Variants in TAFA5 observed in about 807,000 individuals in gnomAD.
TAFA5 encodes TAFA chemokine like family member 5.
In TAFA5, 6 loss-of-function variants were observed where a neutral mutation model predicts 15.3. That is an observed-to-expected ratio of 0.39 (90% CI 0.21 to 0.77). The LOEUF is 0.77. TAFA5 is among the 30% of genes least tolerant of loss of function. The probability of loss-of-function intolerance (pLI) is 0.41; values close to 1 mark genes in which losing one functional copy is unlikely to be tolerated. For missense variants in TAFA5, 161 were observed against 193.1 expected, an observed-to-expected ratio of 0.83 and a Z score of 0.98; for synonymous variants, 103 against 80.7, an observed-to-expected ratio of 1.28 and a Z score of -1.48.
At chr22:48,738,956 C>T (rs1930106123) in intron 3 of TAFA5, among the ~76,000 whole-genome samples, 1 of 152,346 alleles carries the variant, frequency 6.6e-6, no homozygotes, top group African/African-American at 2.4e-5. Context: ...ATAAACCAAG[C>T]CACCCCTCGT....
chr22:48,672,432 A>G (rs1927830624), intron 2 of TAFA5, among the ~76,000 whole-genome samples: 1 of 152,200 alleles, frequency 6.6e-6, no homozygotes, highest in African/African-American at 2.4e-5. Flanking sequence ...TTTTGAACGT[A>G]TCCATTTTCC....
At chr22:48,727,329 A>G (rs979344789) in intron 3 of TAFA5, among the ~76,000 whole-genome samples, 1 of 152,214 alleles carries the variant, frequency 6.6e-6, no homozygotes, top group Admixed American at 6.5e-5. Context: ...TAAAACTAAC[A>G]GAGGCTGTGG....
At chr22:48,697,390 G>A (rs1928748121) in intron 2 of TAFA5, among the ~76,000 whole-genome samples, 1 of 152,142 alleles carries the variant, frequency 6.6e-6, no homozygotes, top group South Asian at 2.1e-4. Flanking sequence ...TGGTTGTCAT[G>A]ATGTGATTAG....
chr22:48,643,217 T>C (rs1359600641), intron 1 of TAFA5, among the ~76,000 whole-genome samples: 1 of 152,240 alleles, frequency 6.6e-6, no homozygotes, highest in African/African-American at 2.4e-5. Flanking sequence ...GATAAGAACG[T>C]GTACCGTTCA....
chr22:48,741,326 G>T (rs1171638927), intron 3 of TAFA5, among the ~76,000 whole-genome samples: 1 of 152,144 alleles, frequency 6.6e-6, no homozygotes, highest in Non-Finnish European at 1.5e-5. Flanking sequence ...CGTCCTCACC[G>T]CTGGGTCCCA....
At chr22:48,498,506 G>C (rs6007870) in intron 1 of TAFA5, among the ~76,000 whole-genome samples, 26,511 of 152,090 alleles carry the variant, frequency 0.17, 2,821 homozygotes, top group East Asian at 0.43. Flanking sequence ...CGTTGCTAGA[G>C]TGGAAAACTC....
At chr22:48,749,590 G>C (rs1363567001) in intron 3 of TAFA5, among the ~76,000 whole-genome samples, 1 of 152,190 alleles carries the variant, frequency 6.6e-6, no homozygotes, top group East Asian at 1.9e-4. Context: ...GCCTCTGGCC[G>C]AGGCTGACAG....
At chr22:48,729,257 T>C (rs1929791084) in intron 3 of TAFA5, among the ~76,000 whole-genome samples, 1 of 88,314 alleles carries the variant, frequency 1.1e-5, no homozygotes, top group African/African-American at 3.3e-5. Context: ...TATAAATATA[T>C]AATAATTTTA....
At chr22:48,524,832 T>A (rs1254222287) in intron 1 of TAFA5, among the ~76,000 whole-genome samples, 5 of 151,742 alleles carry the variant, frequency 3.3e-5, no homozygotes, top group Non-Finnish European at 5.9e-5. Flanking sequence ...AAACGTGGAG[T>A]CTTCCTTACA....
intron 1 of TAFA5, among the ~76,000 whole-genome samples, chr22:48,635,070 G>T (rs1016205584): frequency 1.3e-5 from 2 of 152,228 alleles, no homozygotes; most frequent in African/African-American, 4.8e-5. Flanking sequence ...CATCCTGCCC[G>T]GGCTGTTCTG....
At chr22:48,655,535 C>T (rs1012470420) in intron 2 of TAFA5, among the ~76,000 whole-genome samples, 16 of 152,140 alleles carry the variant, frequency 1.1e-4, no homozygotes, top group South Asian at 2.1e-4. Flanking sequence ...GCCAGGCTCC[C>T]GCAGTCAAGT....
intron 1 of TAFA5, among the ~76,000 whole-genome samples, chr22:48,494,778 C>G (rs185598170): frequency 6.6e-6 from 1 of 152,340 alleles, no homozygotes; most frequent in Non-Finnish European, 1.5e-5. Flanking sequence ...GCACAAGCTG[C>G]CTCGGTGCTG....
At position 48,605,865 on chromosome 22, in the gene TAFA5, G is replaced by T. The variant is rs199883857; in HGVS notation, c.113-40732G>T. ...TGGGATGCCTGGTGCTAATCCTGGA[G>T]TGTAAGCGTCCATGAGGGCAGGTTC... On this transcript the variant is annotated intron_variant, in intron 1 of 3. Coordinates refer to ENST00000402357, the MANE Select transcript of TAFA5 (RefSeq NM_001082967.3). 5.1e-3 allele frequency among the ~76,000 whole-genome samples: 779 copies of T among 152,310 alleles called. 45 individuals are homozygous for T. The East Asian group carries it at 0.13, about 25-fold the overall frequency.
chr22:48,740,986 C>T (rs1173166941), intron 3 of TAFA5, among the ~76,000 whole-genome samples: 1 of 152,184 alleles, frequency 6.6e-6, no homozygotes, highest in African/African-American at 2.4e-5. Context: ...AGGGAGGCTG[C>T]GTCATCCCTG....
At chr22:48,671,025 A>G (rs1332892797) in intron 2 of TAFA5, among the ~76,000 whole-genome samples, 2 of 152,240 alleles carry the variant, frequency 1.3e-5, no homozygotes, top group African/African-American at 4.8e-5. Flanking sequence ...AATTTATTAG[A>G]AAATGCTAGA....
intron 2 of TAFA5, among the ~76,000 whole-genome samples, chr22:48,669,620 A>G (rs566604457): frequency 1.6e-4 from 25 of 152,354 alleles, no homozygotes; most frequent in Non-Finnish European, 2.9e-4. Context: ...TGCCTTCTCC[A>G]TCTGTCCCAG....
intron 1 of TAFA5, among the ~76,000 whole-genome samples, chr22:48,545,882 G>A (rs533669898): frequency 5.3e-5 from 8 of 152,308 alleles, no homozygotes; most frequent in Admixed American, 5.2e-4. Flanking sequence ...ACATGAATGA[G>A]TGGGTGAAGG....
chr22:48,634,444 C>T (rs6010524), intron 1 of TAFA5, among the ~76,000 whole-genome samples: 13,636 of 152,176 alleles, frequency 0.09, 676 homozygotes, highest in East Asian at 0.18. Context: ...CATTCATTAA[C>T]TCATTTAGTC....
At chr22:48,745,808 T>C (rs1427742992) in intron 3 of TAFA5, among the ~76,000 whole-genome samples, 12 of 152,086 alleles carry the variant, frequency 7.9e-5, no homozygotes, top group Admixed American at 6.5e-5. Flanking sequence ...CTGCCCCTGG[T>C]CCCACAGGCT....
Sources: gnomAD v4.1 joint callset for allele counts (sites outside exome capture counted in the v4.1 genomes callset) on GRCh38, gnomAD v4.1.1 for gene constraint, MANE v1.5 for transcripts, NCBI Gene and HGNC (gene_info 2026-07-23, HGNC 2026-07-21) for gene names.